CRB1: variants seen among roughly 807,000 people sequenced by gnomAD.
CRB1 encodes the protein protein crumbs homolog 1.
In CRB1, 83 loss-of-function variants were observed where a neutral mutation model predicts 120.0. The ratio of observed to expected loss-of-function variants is 0.69; its 90% confidence interval spans 0.58 to 0.83. CRB1 has a LOEUF of 0.83. Among genes scored for constraint, CRB1 ranks in the 40% least tolerant of loss-of-function variants. The pLI is 0.00. For synonymous variants in CRB1, 625 were observed against 612.5 expected (o/e 1.02, Z -0.30); for missense variants, 1,699 against 1,687.6 (o/e 1.01, Z -0.12).
At position 197,450,444 on chromosome 1, in the gene CRB1, C is replaced by T. The variant is rs539875640; in HGVS notation, c.4005+8152C>T. On this transcript the variant is annotated intron_variant, in intron 11 of 11. Transcript: ENST00000367400. Reference sequence around the variant, plus strand: ...TGTTACATAGGTATATTGTGTGATGCGTGATGCTGAAGTTTGGCATATGAA... The same window carrying T: ...TGTTACATAGGTATATTGTGTGATGTGTGATGCTGAAGTTTGGCATATGAA... Among the ~76,000 whole-genome samples the T allele has an allele frequency of 6.6e-4, 100 of 152,120 alleles. 1 individual carries two copies. The highest frequency in any genetic ancestry group is 2.4e-3 in the African/African-American group (99 of 41,490).
At chr1:197,443,967 A>G (rs1175685526) in intron 11 of CRB1, 1 of 152,198 alleles carries the variant, frequency 6.6e-6, no homozygotes, top group Non-Finnish European at 1.5e-5. Context: ...AACTAAAATA[A>G]CAATGGCCTG....
the CRB1 span, among the ~76,000 whole-genome samples, chr1:197,241,380 A>T: frequency 6.6e-6 from 1 of 152,190 alleles, no homozygotes; most frequent in Admixed American, 6.5e-5. Context: ...TTTTTGTACA[A>T]GGTGTAAGGA....
At chr1:197,363,566 A>G (rs139946931) in intron 5 of CRB1, among the ~76,000 whole-genome samples, 54 of 152,296 alleles carry the variant, frequency 3.5e-4, no homozygotes, top group African/African-American at 1.3e-3. Context: ...GAAATCTGCT[A>G]TCATTGTAAA....
intron 5 of CRB1, among the ~76,000 whole-genome samples, chr1:197,406,922 T>C (rs942876056): frequency 2.0e-5 from 3 of 152,234 alleles, no homozygotes; most frequent in African/African-American, 7.2e-5. Context: ...CATTTCACCA[T>C]GAACAAAGTT....
chr1:197,226,916 G>T, the CRB1 span, among the ~76,000 whole-genome samples: 5 of 152,144 alleles, frequency 3.3e-5, no homozygotes, highest in African/African-American at 9.7e-5. Context: ...ATTGGATCTT[G>T]TGAGGCTTGT....
At chr1:197,420,371 T>C (rs1664240388) in intron 5 of CRB1, among the ~76,000 whole-genome samples, 1 of 152,126 alleles carries the variant, frequency 6.6e-6, no homozygotes, top group South Asian at 2.1e-4. Context: ...GAAAGTGAAG[T>C]TAAAATAATA....
intron 4 of CRB1, among the ~76,000 whole-genome samples, chr1:197,347,689 T>C: frequency 6.6e-6 from 1 of 152,162 alleles, no homozygotes; most frequent in South Asian, 2.1e-4. Context: ...TGCCCAATGA[T>C]CATAACCCTC....
At chr1:197,380,481 C>G (rs1224067417) in intron 5 of CRB1, among the ~76,000 whole-genome samples, 3 of 152,178 alleles carry the variant, frequency 2.0e-5, no homozygotes, top group Non-Finnish European at 2.9e-5. Context: ...TATCCAGTAT[C>G]TCTGATTTCC....
chr1:197,277,017 C>T (rs1329709566), intron 1 of CRB1, among the ~76,000 whole-genome samples: 4 of 151,820 alleles, frequency 2.6e-5, no homozygotes, highest in South Asian at 2.1e-4. Context: ...GTTATTAAAG[C>T]GTTGGTGGCT....
intron 2 of CRB1, among the ~76,000 whole-genome samples, chr1:197,333,617 A>G (rs912374109): frequency 1.3e-5 from 2 of 152,238 alleles, no homozygotes; most frequent in Non-Finnish European, 2.9e-5. Flanking sequence ...CTTTGGTATA[A>G]AAGTAATCTT....
Position 197,328,803 on chromosome 1 carries a change from A to C in CRB1, c.452A>C (p.Glu151Ala). The change falls in exon 2 of 12, where the codon GAG becomes GCG. Residue 151 changes from glutamate to alanine, a missense_variant. By Grantham distance (107) the Glu-to-Ala change is moderately radical. Coordinates refer to ENST00000367400, the MANE Select transcript of CRB1 (RefSeq NM_201253.3). ...AGRFCEIDHD[E>A]CASSPCQNGA... ...AGATTCTGTGAGATAGATCACGATG[A>C]GTGTGCTTCCAGCCCTTGCCAAAAT... 1 of 1,613,956 alleles carries C rather than the reference A, an allele frequency of 6.2e-7. No individual in the cohort carries two copies. Among genetic ancestry groups the C allele is most frequent in the Non-Finnish European group, 8.5e-7 (1 of 1,179,876 alleles).
In CRB1 at chr1:197,435,612, GGT is replaced by G. The variant is rs1665120314; in HGVS notation, c.3749+2_3749+3del. ...GGAAATTTTACAGGAAAATTTTGCA[GGT>G]GAGCATAAAGTCCATATGAAGCTTG... On this transcript the variant is annotated splice_donor_variant, in intron 9 of 11. Coordinates refer to ENST00000367400, the MANE Select transcript of CRB1 (RefSeq NM_201253.3). LOFTEE classifies it high-confidence loss of function. 6.2e-7 allele frequency: 1 copy of G among 1,610,236 alleles called. No individual in the cohort carries two copies. The highest frequency in any genetic ancestry group is 1.7e-5 in the Admixed American group (1 of 59,568).
At chr1:197,433,675 T>A (rs1367345285) in intron 8 of CRB1, among the ~76,000 whole-genome samples, 7 of 152,126 alleles carry the variant, frequency 4.6e-5, no homozygotes, top group African/African-American at 1.7e-4. Flanking sequence ...TTAAAGCAAT[T>A]ACACATATTT....
At chr1:197,265,927 A>G (rs1654620923), upstream of CRB1, among the ~76,000 whole-genome samples, 1 of 152,178 alleles carries the variant, frequency 6.6e-6, no homozygotes, top group Non-Finnish European at 1.5e-5. Context: ...AACTCTGAGT[A>G]TGTGAATTCA....
chr1:197,466,896 C>A (rs1666769653), intron 11 of CRB1, among the ~76,000 whole-genome samples: 1 of 152,182 alleles, frequency 6.6e-6, no homozygotes, highest in Non-Finnish European at 1.5e-5. Context: ...ATAAGAAAGT[C>A]CATGAACACC....
intron 2 of CRB1, among the ~76,000 whole-genome samples, chr1:197,338,941 C>A (rs1345742467): frequency 1.3e-5 from 2 of 152,030 alleles, no homozygotes; most frequent in African/African-American, 4.8e-5. Flanking sequence ...AAGTGCATCT[C>A]GGTTCTAGAG....
At chr1:197,461,982 G>C (rs1050369229) in intron 11 of CRB1, among the ~76,000 whole-genome samples, 5 of 152,140 alleles carry the variant, frequency 3.3e-5, no homozygotes, top group African/African-American at 9.7e-5. Flanking sequence ...TGTACATAAA[G>C]ACAAAAGCAC....
chr1:197,256,673 A>G, the CRB1 span, among the ~76,000 whole-genome samples: 2 of 152,218 alleles, frequency 1.3e-5, no homozygotes, highest in East Asian at 3.9e-4. Flanking sequence ...TTCTCTGAAC[A>G]GCAGAAAATT....
intron 11 of CRB1, among the ~76,000 whole-genome samples, chr1:197,473,879 G>A (rs982685113): frequency 7.3e-5 from 11 of 151,392 alleles, no homozygotes; most frequent in African/African-American, 2.7e-4. Context: ...TTTCAACCAT[G>A]GGAATTTAAA....
Sources: allele counts gnomAD v4.1 joint callset (sites outside exome capture counted in the v4.1 genomes callset), GRCh38; gene constraint gnomAD v4.1.1; transcripts MANE v1.5; gene names NCBI Gene and HGNC (gene_info 2026-07-23, HGNC 2026-07-21).